RBMS3: variants seen among roughly 807,000 people sequenced by gnomAD.
The protein encoded by RBMS3 is RNA-binding motif, single-stranded-interacting protein 3.
RBMS3 carries 27 observed loss-of-function variants against 66.8 expected under a neutral mutation model. The ratio of observed to expected loss-of-function variants is 0.40; its 90% CI spans 0.30 to 0.56. The LOEUF (loss-of-function observed/expected upper bound fraction) is 0.56, where lower values mean the gene tolerates loss of function less well. RBMS3 is among the 20% of genes least tolerant of loss of function. RBMS3 has a pLI of 0.40. For missense variants in RBMS3, 513 were observed against 549.5 expected, an observed-to-expected ratio of 0.93 and a Z score of 0.66; for synonymous variants, 188 against 183.0, an observed-to-expected ratio of 1.03 and a Z score of -0.22.
At chr3:29,973,816 T>A (rs1697379877) in intron 12 of RBMS3, among the ~76,000 whole-genome samples, 1 of 151,912 alleles carries the variant, frequency 6.6e-6, no homozygotes, top group South Asian at 2.1e-4. Flanking sequence ...TTCCACACAC[T>A]TCTTTCATGA....
intron 8 of RBMS3, 36 bp downstream of exon 8, chr3:29,884,244 A>G (rs1355075206): frequency 3.2e-6 from 5 of 1,562,182 alleles, no homozygotes; most frequent in Non-Finnish European, 4.4e-6. Context: ...TTAATTGTGA[A>G]TAGATCTTTG....
intron 4 of RBMS3, among the ~76,000 whole-genome samples, chr3:29,608,713 A>G (rs998956304): frequency 6.6e-6 from 1 of 152,056 alleles, no homozygotes; most frequent in African/African-American, 2.4e-5. Flanking sequence ...TACATTCACC[A>G]AAACTGCTTA....
At chr3:29,940,050 C>G (rs2061353815) in intron 11 of RBMS3, among the ~76,000 whole-genome samples, 1 of 151,786 alleles carries the variant, frequency 6.6e-6, no homozygotes, top group Non-Finnish European at 1.5e-5. Context: ...AAGACCCAAT[C>G]AAGACCCTTT....
At chr3:29,533,776 C>CTAAA (rs1169422154) in intron 3 of RBMS3, among the ~76,000 whole-genome samples, 3 of 150,844 alleles carry the variant, frequency 2.0e-5, no homozygotes, top group South Asian at 2.1e-4. Context: ...GGCTCCGTCT[C>CTAAA]TAAATAAATA....
intron 1 of RBMS3, among the ~76,000 whole-genome samples, chr3:29,416,986 T>G (rs1435818245): frequency 6.6e-6 from 1 of 152,092 alleles, no homozygotes; most frequent in Non-Finnish European, 1.5e-5. Context: ...GAAAAAAAAG[T>G]GCCTATCAGC....
chr3:29,289,604 T>C (rs1036881414), intron 1 of RBMS3, among the ~76,000 whole-genome samples: 1 of 151,396 alleles, frequency 6.6e-6, no homozygotes, highest in Non-Finnish European at 1.5e-5. Flanking sequence ...TCAAGGAAAA[T>C]AAAAAGTAAA....
At chr3:29,408,271 C>CAAAA (rs10708935) in intron 1 of RBMS3, among the ~76,000 whole-genome samples, 43 of 74,802 alleles carry the variant, frequency 5.7e-4, no homozygotes, top group African/African-American at 1.9e-3. Context: ...GACTCCATCT[C>CAAAA]AAAAAAAAAA....
chr3:29,568,402 A>G (rs2046818617), intron 3 of RBMS3, among the ~76,000 whole-genome samples: 1 of 152,216 alleles, frequency 6.6e-6, no homozygotes, highest in Non-Finnish European at 1.5e-5. Context: ...TGAAGAAAGG[A>G]ATACATTTGT....
At chr3:29,782,204 C>T (rs1353306670) in intron 6 of RBMS3, among the ~76,000 whole-genome samples, 1 of 152,152 alleles carries the variant, frequency 6.6e-6, no homozygotes, top group Non-Finnish European at 1.5e-5. Context: ...AGCTCCACCT[C>T]CTACCTGGAG....
intron 3 of RBMS3, among the ~76,000 whole-genome samples, chr3:29,489,907 G>A (rs2043468054): frequency 6.6e-6 from 1 of 151,652 alleles, no homozygotes; most frequent in African/African-American, 2.4e-5. Context: ...GCTGGGCACG[G>A]TTGTAGGCAC....
chr3:29,802,764 G>T (rs1168850563), intron 6 of RBMS3, among the ~76,000 whole-genome samples: 1 of 152,094 alleles, frequency 6.6e-6, no homozygotes, highest in Non-Finnish European at 1.5e-5. Flanking sequence ...ACAGGTGATT[G>T]GTGGCCTAGT....
At chr3:29,315,059 T>C (rs2034591279) in intron 1 of RBMS3, among the ~76,000 whole-genome samples, 1 of 151,816 alleles carries the variant, frequency 6.6e-6, no homozygotes, top group South Asian at 2.1e-4. Flanking sequence ...GGTTTCATTA[T>C]AGTCCTTGCT....
At chr3:29,722,441 G>T (rs2053680940) in intron 4 of RBMS3, among the ~76,000 whole-genome samples, 1 of 152,010 alleles carries the variant, frequency 6.6e-6, no homozygotes, top group African/African-American at 2.4e-5. Context: ...CATTACAACA[G>T]TGGAATAATC....
chr3:29,416,012 C>A (rs932565048), intron 1 of RBMS3, among the ~76,000 whole-genome samples: 1 of 152,070 alleles, frequency 6.6e-6, no homozygotes, highest in Non-Finnish European at 1.5e-5. Context: ...CAAGTGGAAA[C>A]GCATAGGAAA....
intron 1 of RBMS3, among the ~76,000 whole-genome samples, chr3:29,297,814 T>C (rs2033385281): frequency 6.6e-6 from 1 of 151,818 alleles, no homozygotes; most frequent in South Asian, 2.1e-4. Flanking sequence ...GCTTACAGAG[T>C]GCCAGCCCTT....
chr3:29,926,218 G>A (rs1437512375), intron 10 of RBMS3, among the ~76,000 whole-genome samples: 2 of 152,150 alleles, frequency 1.3e-5, no homozygotes, highest in East Asian at 1.9e-4. Flanking sequence ...CTAATAGAAA[G>A]TGTGCTTTAA....
chr3:29,477,448 G>A, intron 2 of RBMS3, among the ~76,000 whole-genome samples: 1 of 123,604 alleles, frequency 8.1e-6, no homozygotes, highest in Non-Finnish European at 1.6e-5. Flanking sequence ...GTAGGGTCAG[G>A]GATATAACAA....
chr3:29,865,124 G>GAGAGAGAC (rs2059327116), intron 6 of RBMS3, among the ~76,000 whole-genome samples: 1 of 151,040 alleles, frequency 6.6e-6, no homozygotes, highest in African/African-American at 2.5e-5. Context: ...AAGGAAGGAA[G>GAGAGAGAC]GAAGGAAGGA....
chr3:29,554,527 G>A (rs1013648473), intron 3 of RBMS3, among the ~76,000 whole-genome samples: 1 of 152,152 alleles, frequency 6.6e-6, no homozygotes, highest in East Asian at 1.9e-4. Flanking sequence ...AAGTAAATAA[G>A]TATCCACAAA....
Sources: gnomAD v4.1 joint callset for allele counts (sites outside exome capture counted in the v4.1 genomes callset) on GRCh38, gnomAD v4.1.1 for gene constraint, MANE v1.5 for transcripts, NCBI Gene and HGNC (gene_info 2026-07-23, HGNC 2026-07-21) for gene names.